The following NRXN3 variants were observed in gnomAD, a reference collection of about 807,000 sequenced individuals.
NRXN3 encodes neurexin III.
Under a neutral mutation model 137.6 loss-of-function variants are expected in NRXN3, and 32 were observed. The observed-to-expected ratio is 0.23, with a 90% CI of 0.18 to 0.31. The LOEUF (loss-of-function observed/expected upper bound fraction) is 0.31, where lower values mean the gene tolerates loss of function less well. Among genes scored for constraint, NRXN3 ranks in the 10% least tolerant of loss-of-function variants. The probability of loss-of-function intolerance (pLI) is 1.00; values close to 1 mark genes in which losing one functional copy is unlikely to be tolerated. For synonymous variants in NRXN3, 798 were observed against 784.5 expected (o/e 1.02, Z -0.29); for missense variants, 1,574 against 2,062.5 (o/e 0.76, Z 4.59).
chr14:79,495,178 G>GCCA (rs2096754366), intron 16 of NRXN3, among the ~76,000 whole-genome samples: 1 of 152,154 alleles, frequency 6.6e-6, no homozygotes, highest in Non-Finnish European at 1.5e-5. Context: ...ATGTGCGCAG[G>GCCA]CCACCAAGGC....
Position 79,697,624 on chromosome 14 carries a change from C to T in NRXN3, c.3707-6C>T, listed in dbSNP as rs2098740393. The stretch of plus-strand genomic sequence containing the variant: ...ATAATAATGTTTCCTCCACCCAACC[C>T]ACTAGGCCGGCAGTTAACCATCTTC... On this transcript the variant is annotated splice_polypyrimidine_tract_variant and splice_region_variant and intron_variant, in intron 18 of 20. Coordinates refer to ENST00000335750, the MANE Select transcript of NRXN3 (RefSeq NM_001330195.2). The T allele has an allele frequency of 1.9e-6, 3 of 1,609,768 alleles. No homozygotes were observed. Among genetic ancestry groups the T allele is most frequent in the East Asian group, 4.5e-5 (2 of 44,780 alleles).
chr14:79,506,199 C>T (rs1433208723), intron 16 of NRXN3, among the ~76,000 whole-genome samples: 2 of 152,094 alleles, frequency 1.3e-5, no homozygotes. Context: ...CATATACATT[C>T]AAGGGGAGGG....
chr14:79,046,883 G>A (rs550179025), intron 15 of NRXN3, among the ~76,000 whole-genome samples: 203 of 152,312 alleles, frequency 1.3e-3, no homozygotes, highest in African/African-American at 4.7e-3. Flanking sequence ...ACATACAGTA[G>A]CGATTTATTC....
At chr14:79,491,774 G>T (rs1213118538) in intron 16 of NRXN3, among the ~76,000 whole-genome samples, 1 of 152,072 alleles carries the variant, frequency 6.6e-6, no homozygotes, top group African/African-American at 2.4e-5. Context: ...TTTGGTTTAG[G>T]CAGGGCAATC....
chr14:79,005,812 A>G (rs1301086779), intron 15 of NRXN3, among the ~76,000 whole-genome samples: 1 of 151,628 alleles, frequency 6.6e-6, no homozygotes, highest in African/African-American at 2.4e-5. Flanking sequence ...GGACTATGTG[A>G]TTATTTTACT....
intron 15 of NRXN3, among the ~76,000 whole-genome samples, chr14:79,415,056 T>C (rs2095476500): frequency 6.6e-6 from 1 of 152,186 alleles, no homozygotes; most frequent in African/African-American, 2.4e-5. Context: ...TGTCACAGGA[T>C]GAATAATATT....
At chr14:79,115,811 A>T (rs1425900966) in intron 15 of NRXN3, among the ~76,000 whole-genome samples, 2 of 152,186 alleles carry the variant, frequency 1.3e-5, no homozygotes, top group African/African-American at 4.8e-5. Flanking sequence ...TTGTTCCTCA[A>T]TAGAATGCCA....
intron 6 of NRXN3, among the ~76,000 whole-genome samples, chr14:78,679,583 G>A (rs1310232636): frequency 1.3e-5 from 2 of 152,080 alleles, no homozygotes; most frequent in Non-Finnish European, 2.9e-5. Flanking sequence ...TTCAGAATAA[G>A]TGTATTGAAA....
At chr14:79,656,000 TA>T (rs1479084819) in intron 16 of NRXN3, among the ~76,000 whole-genome samples, 6 of 152,212 alleles carry the variant, frequency 3.9e-5, no homozygotes, top group African/African-American at 1.4e-4. Context: ...TTTACATGTC[TA>T]ATGAGTCCGC....
At chr14:79,568,202 G>A (rs888127006) in intron 16 of NRXN3, among the ~76,000 whole-genome samples, 4 of 152,116 alleles carry the variant, frequency 2.6e-5, no homozygotes, top group African/African-American at 9.7e-5. Context: ...GCTCAGCTAT[G>A]AGCACCTTGA....
At chr14:79,628,862 T>C (rs907830361) in intron 16 of NRXN3, among the ~76,000 whole-genome samples, 1 of 152,142 alleles carries the variant, frequency 6.6e-6, no homozygotes, top group Non-Finnish European at 1.5e-5. Context: ...TTTTGAGTAA[T>C]CTCTTCACAG....
At chr14:79,307,815 C>T (rs1169658356) in intron 15 of NRXN3, among the ~76,000 whole-genome samples, 1 of 151,818 alleles carries the variant, frequency 6.6e-6, no homozygotes, top group Non-Finnish European at 1.5e-5. Flanking sequence ...CTCTCTCTCT[C>T]TCTTTTCCCC....
intron 15 of NRXN3, among the ~76,000 whole-genome samples, chr14:79,327,570 TTCC>T (rs2091079059): frequency 6.6e-6 from 1 of 152,154 alleles, no homozygotes; most frequent in Non-Finnish European, 1.5e-5. Context: ...TTTGTCCAGT[TTCC>T]TCCTCTTGTG....
rs569676324 is a variant in NRXN3, at chr14:78,798,609, G to A, written c.2045-5011G>A. Among the ~76,000 whole-genome samples, 4 of 152,328 alleles carry A rather than the reference G, an allele frequency of 2.6e-5. No individual in the cohort carries two copies. In the East Asian group the frequency reaches 7.7e-4, roughly 29 times the overall value. ...CGGCTCCACTAGGCAGTGCCCCAGT[G>A]GGGACTCTGTGTGGGGGCTCACACC... On this transcript the variant is annotated intron_variant, in intron 8 of 20. Coordinates refer to ENST00000335750, the MANE Select transcript of NRXN3 (RefSeq NM_001330195.2).
chr14:78,594,356 T>C lies in NRXN3; in HGVS notation c.758-50764T>C, dbSNP rs368566688. On this transcript the variant is annotated intron_variant, in intron 4 of 20. Coordinates refer to ENST00000335750, the MANE Select transcript of NRXN3 (RefSeq NM_001330195.2). ...AGAGATCAGATGGCAGGATCTGAGT[T>C]GTCATGTCTGTTCTCTGTCCCTGAA... Among the ~76,000 whole-genome samples, 11 of 152,280 alleles carry C rather than the reference T, an allele frequency of 7.2e-5. No individual in the cohort carries two copies. In the East Asian group the frequency reaches 1.5e-3, roughly 21 times the overall value.
At position 78,827,328 on chromosome 14, in the gene NRXN3, T is replaced by C. The variant is rs116624938; in HGVS notation, c.2275+16984T>C. Among the ~76,000 whole-genome samples the C allele has an allele frequency of 9.3e-3, 1,419 of 152,258 alleles. 18 individuals are homozygous for C. The highest frequency in any genetic ancestry group is 0.032 in the African/African-American group (1,346 of 41,550). Reference sequence around the variant, plus strand: ...GAAATAATTACCTATTCACCATCTTTAGTACAATGCTGTACAAATAATTAA... The same window carrying C: ...GAAATAATTACCTATTCACCATCTTCAGTACAATGCTGTACAAATAATTAA... On this transcript the variant is annotated intron_variant, in intron 10 of 20. Transcript: ENST00000335750.
intron 6 of NRXN3, among the ~76,000 whole-genome samples, chr14:78,689,577 T>C (rs2098152165): frequency 6.6e-6 from 1 of 152,212 alleles, no homozygotes; most frequent in African/African-American, 2.4e-5. Context: ...AAATATATGG[T>C]ATCACTAGAA....
At chr14:79,580,783 G>T (rs751855698) in intron 16 of NRXN3, among the ~76,000 whole-genome samples, 1 of 151,778 alleles carries the variant, frequency 6.6e-6, no homozygotes, top group Non-Finnish European at 1.5e-5. Context: ...GTGGGGAAAA[G>T]AAAACAAAAA....
At chr14:79,120,660 T>C (rs927664625) in intron 15 of NRXN3, among the ~76,000 whole-genome samples, 3 of 152,114 alleles carry the variant, frequency 2.0e-5, no homozygotes, top group African/African-American at 7.2e-5. Flanking sequence ...CTCCTCACTA[T>C]CCTTTTTAAA....
Sources: allele counts gnomAD v4.1 joint callset (sites outside exome capture counted in the v4.1 genomes callset), GRCh38; gene constraint gnomAD v4.1.1; transcripts MANE v1.5; gene names NCBI Gene and HGNC (gene_info 2026-07-23, HGNC 2026-07-21).